Variants in SPMIP7 observed in about 807,000 individuals in gnomAD.
SPMIP7 encodes protein SPMIP7.
At chr7:50,129,766 A>G in the SPMIP7 span, 9 of 1,548,678 alleles carry the variant, frequency 5.8e-6, no homozygotes, top group East Asian at 2.2e-4. Context: ...AATGCAAAGG[A>G]CTCATTTTAC....
the SPMIP7 span, among the ~76,000 whole-genome samples, chr7:50,153,448 G>A: frequency 6.6e-6 from 1 of 152,208 alleles, no homozygotes; most frequent in South Asian, 2.1e-4. Context: ...CTAAGTCAAT[G>A]CATGTTTACT....
chr7:50,140,752 C>T, the SPMIP7 span, among the ~76,000 whole-genome samples: 1 of 152,232 alleles, frequency 6.6e-6, no homozygotes. Flanking sequence ...CATTACTCGG[C>T]CTCTTCAGTT....
At chr7:50,149,571 C>T in the SPMIP7 span, among the ~76,000 whole-genome samples, 1 of 152,224 alleles carries the variant, frequency 6.6e-6, no homozygotes, top group Admixed American at 6.5e-5. Context: ...ATGCAGTGGG[C>T]TGCCCCCACT....
the SPMIP7 span, among the ~76,000 whole-genome samples, chr7:50,118,261 G>T: frequency 2.0e-5 from 3 of 152,112 alleles, no homozygotes; most frequent in Non-Finnish European, 4.4e-5. Flanking sequence ...CTGAGTCCTT[G>T]AAGCTTCCAC....
the SPMIP7 span, among the ~76,000 whole-genome samples, chr7:50,145,614 G>GTATATATATA: frequency 2.8e-3 from 110 of 38,984 alleles, 3 homozygotes; most frequent in African/African-American, 4.0e-3. Context: ...GTGTATATGT[G>GTATATATATA]TGTGTATATA....
At chr7:50,145,750 T>C in the SPMIP7 span, among the ~76,000 whole-genome samples, 2 of 147,600 alleles carry the variant, frequency 1.4e-5, no homozygotes, top group Admixed American at 6.8e-5. Context: ...TCAGCAAAGG[T>C]GAGGTGCAGG....
chr7:50,096,565 A>T, the SPMIP7 span: 1 of 1,552,016 alleles, frequency 6.4e-7, no homozygotes, highest in Non-Finnish European at 8.7e-7. Context: ...AAATTCTATC[A>T]GAAGAACTGC....
the SPMIP7 span, among the ~76,000 whole-genome samples, chr7:50,156,748 C>T: frequency 2.0e-5 from 3 of 151,994 alleles, no homozygotes; most frequent in Non-Finnish European, 4.4e-5. Context: ...GTCCTGTGGT[C>T]CCATCAGTCC....
chr7:50,133,769 T>C, the SPMIP7 span, among the ~76,000 whole-genome samples: 1 of 152,212 alleles, frequency 6.6e-6, no homozygotes, highest in Non-Finnish European at 1.5e-5. Context: ...AGAGCATGTG[T>C]TGTTGTTTTG....
the SPMIP7 span, chr7:50,136,247 G>A: frequency 2.9e-6 from 3 of 1,037,550 alleles, no homozygotes; most frequent in Non-Finnish European, 4.4e-6. Context: ...TGTAGCCCTT[G>A]GCTTAGAGGT....
the SPMIP7 span, chr7:50,117,208 G>T: frequency 4.4e-6 from 2 of 453,732 alleles, no homozygotes; most frequent in Non-Finnish European, 8.8e-6. Flanking sequence ...AACCTTTCAC[G>T]CTGTTCATTC....
At chr7:50,124,735 G>GA in the SPMIP7 span, among the ~76,000 whole-genome samples, 1 of 152,092 alleles carries the variant, frequency 6.6e-6, no homozygotes, top group Non-Finnish European at 1.5e-5. Context: ...CTGCTAAGAA[G>GA]AAAAATTAGC....
At chr7:50,100,115 G>T in the SPMIP7 span, among the ~76,000 whole-genome samples, 1 of 152,166 alleles carries the variant, frequency 6.6e-6, no homozygotes, top group Admixed American at 6.5e-5. Context: ...TGGATCATTA[G>T]ATTGTACCAG....
At chr7:50,098,840 G>GGC in the SPMIP7 span, among the ~76,000 whole-genome samples, 1 of 151,394 alleles carries the variant, frequency 6.6e-6, no homozygotes, top group South Asian at 2.1e-4. Context: ...CACGAATCTG[G>GGC]GGGGATACAG....
the SPMIP7 span, among the ~76,000 whole-genome samples, chr7:50,132,055 A>G: frequency 6.6e-6 from 1 of 152,160 alleles, no homozygotes; most frequent in South Asian, 2.1e-4. Context: ...CACATGTATG[A>G]ACGCCTACTA....
the SPMIP7 span, among the ~76,000 whole-genome samples, chr7:50,145,167 G>A: frequency 1.3e-5 from 2 of 151,842 alleles, no homozygotes; most frequent in Admixed American, 6.6e-5. Flanking sequence ...GGAGGCTGAG[G>A]CAGGAGAATC....
At chr7:50,106,394 C>T in the SPMIP7 span, among the ~76,000 whole-genome samples, 2 of 152,246 alleles carry the variant, frequency 1.3e-5, no homozygotes, top group East Asian at 3.9e-4. Flanking sequence ...CTGAACCCTC[C>T]AAGTAAGGAT....
the SPMIP7 span, among the ~76,000 whole-genome samples, chr7:50,113,710 A>G: frequency 6.6e-6 from 1 of 152,130 alleles, no homozygotes; most frequent in East Asian, 1.9e-4. Flanking sequence ...AGTCTAACAT[A>G]CATGCATTGG....
chr7:50,100,445 T>A, the SPMIP7 span, among the ~76,000 whole-genome samples: 1 of 152,198 alleles, frequency 6.6e-6, no homozygotes, highest in Non-Finnish European at 1.5e-5. Context: ...GTTTATTAAT[T>A]GGGGAGAGGA....
Sources: gnomAD v4.1 joint callset for allele counts (sites outside exome capture counted in the v4.1 genomes callset) on GRCh38, gnomAD v4.1.1 for gene constraint, MANE v1.5 for transcripts, NCBI Gene and HGNC (gene_info 2026-07-23, HGNC 2026-07-21) for gene names.